Variants in PVT1 observed in about 807,000 individuals in gnomAD.
PVT1 encodes CXCR4/PVT1 fusion.
chr8:127,879,689 G>A (rs56720836), intron 2 of PVT1, among the ~76,000 whole-genome samples: 1,779 of 152,286 alleles, frequency 0.012, 39 homozygotes, highest in African/African-American at 0.039. Context: ...TAGTGAGTTC[G>A]TATCTCACAG....
At chr8:127,910,893 T>TTA (rs1554596303) in intron 3 of PVT1, among the ~76,000 whole-genome samples, 2 of 140,634 alleles carry the variant, frequency 1.4e-5, no homozygotes, top group Non-Finnish European at 3.1e-5. Context: ...GTGTGTGTGT[T>TTA]TGTGTGTGTG....
chr8:127,837,919 C>T (rs1015553864), intron 2 of PVT1, among the ~76,000 whole-genome samples: 8 of 145,994 alleles, frequency 5.5e-5, no homozygotes, highest in Admixed American at 2.7e-4. Flanking sequence ...TTTTTTGAGG[C>T]GGAGTTTCAC....
rs572023475 is a variant in PVT1, at chr8:127,875,812, G to A, written n.373-14777G>A. 4.6e-5 allele frequency among the ~76,000 whole-genome samples: 7 copies of A among 152,344 alleles called. No individual in the cohort carries two copies. The South Asian group carries it at 6.2e-4, about 14-fold the overall frequency. On this transcript the variant is annotated intron_variant and non_coding_transcript_variant, in intron 2 of 10. Coordinates refer to ENST00000651587, the Ensembl canonical transcript of PVT1. ...GACCCTGAGTGTTTGGACCCCGCCT[G>A]TGCTCAGCACAGAATGGAGCTCAGT...
intron 2 of PVT1, among the ~76,000 whole-genome samples, chr8:127,881,323 C>G (rs1815464000): frequency 6.6e-6 from 1 of 151,802 alleles, no homozygotes; most frequent in Non-Finnish European, 1.5e-5. Flanking sequence ...TACATTCAGT[C>G]TTGTCCGCAG....
intron 2 of PVT1, among the ~76,000 whole-genome samples, chr8:127,842,926 A>G (rs900247237): frequency 6.6e-6 from 1 of 152,172 alleles, no homozygotes; most frequent in African/African-American, 2.4e-5. Context: ...AGCAAGTAGC[A>G]TAGGGCTAGA....
At chr8:127,979,301 C>T (rs1816858111) in intron 3 of PVT1, among the ~76,000 whole-genome samples, 1 of 152,226 alleles carries the variant, frequency 6.6e-6, no homozygotes, top group Admixed American at 6.5e-5. Context: ...GCACACTGCT[C>T]ACTACCCTTG....
At chr8:127,993,219 C>T (rs1817063690) in intron 4 of PVT1, among the ~76,000 whole-genome samples, 1 of 152,184 alleles carries the variant, frequency 6.6e-6, no homozygotes, top group Non-Finnish European at 1.5e-5. Flanking sequence ...GGAAAATGTG[C>T]CCAACTTTTT....
intron 2 of PVT1, among the ~76,000 whole-genome samples, chr8:127,826,725 G>T (rs1460115311): frequency 1.3e-5 from 2 of 152,206 alleles, no homozygotes; most frequent in Admixed American, 1.3e-4. Flanking sequence ...CTGGGGCCAG[G>T]AGAGAAACTT....
intron 2 of PVT1, among the ~76,000 whole-genome samples, chr8:127,859,977 C>G (rs1253741023): frequency 6.6e-6 from 1 of 152,052 alleles, no homozygotes; most frequent in Non-Finnish European, 1.5e-5. Flanking sequence ...TGGTGAGCCC[C>G]AGGAATAATG....
At chr8:128,084,168 T>G (rs1057207751) in intron 5 of PVT1, among the ~76,000 whole-genome samples, 1 of 152,120 alleles carries the variant, frequency 6.6e-6, no homozygotes, top group East Asian at 1.9e-4. Context: ...CCACTCAAAA[T>G]CTTCCCATGG....
rs112223399 is a variant in PVT1, at chr8:128,007,978, G to T, written n.912+18687G>T. Among the ~76,000 whole-genome samples, 1,018 of 152,278 alleles carry T rather than the reference G, an allele frequency of 6.7e-3. 10 individuals carry two copies. Among genetic ancestry groups the T allele is most frequent in the African/African-American group, 0.023 (968 of 41,536 alleles). On this transcript the variant is annotated intron_variant and non_coding_transcript_variant, in intron 4 of 10. Transcript: ENST00000651587. ...ATGCTAGTTGACTCATCTTACCTTT[G>T]TCTGAGGAGGCTGGAAATTGTTTGT...
At chr8:127,953,794 TTCTTCTTTTCTTTCCTTTCC>T (rs1473057040) in intron 3 of PVT1, among the ~76,000 whole-genome samples, 2 of 152,332 alleles carry the variant, frequency 1.3e-5, no homozygotes. Context: ...AACATTTTTT[TTCTTCTTTTCTTTCCTTTCC>T]TCTTCTTTTC....
chr8:127,882,184 G>C (rs1320225416), intron 2 of PVT1, among the ~76,000 whole-genome samples: 1 of 152,122 alleles, frequency 6.6e-6, no homozygotes, highest in Admixed American at 6.5e-5. Context: ...ATGAGGAATC[G>C]GGTGAGTGTG....
chr8:128,075,877 T>A (rs186207746), intron 5 of PVT1, among the ~76,000 whole-genome samples: 1 of 152,362 alleles, frequency 6.6e-6, no homozygotes, highest in East Asian at 1.9e-4. Context: ...TACAGATCGC[T>A]TCTCTTGTAT....
At chr8:127,798,319 A>T (rs541522914) in intron 2 of PVT1, among the ~76,000 whole-genome samples, 3 of 151,788 alleles carry the variant, frequency 2.0e-5, no homozygotes, top group Non-Finnish European at 4.4e-5. Context: ...AAAAAACAAC[A>T]AGAAAAGGGT....
intron 3 of PVT1, among the ~76,000 whole-genome samples, chr8:127,984,365 G>C (rs979929860): frequency 6.6e-6 from 1 of 152,198 alleles, no homozygotes; most frequent in Non-Finnish European, 1.5e-5. Context: ...CCATCGGGAA[G>C]TAGAGTGGTT....
At position 128,073,574 on chromosome 8, in the gene PVT1, G is replaced by A. The variant is rs74731105; in HGVS notation, n.1114+3213G>A. The stretch of plus-strand genomic sequence containing the variant: ...TGAGCTCCCAGGCAGTACTGATGCC[G>A]CTGGTCCATGCATCAACCCACTTCA... On this transcript the variant is annotated intron_variant and non_coding_transcript_variant, in intron 5 of 10. Coordinates refer to ENST00000651587, the Ensembl canonical transcript of PVT1. Among the ~76,000 whole-genome samples the A allele has an allele frequency of 1.6e-3, 237 of 152,178 alleles. 3 individuals are homozygous for A. The East Asian group carries it at 0.041, about 26-fold the overall frequency.
At chr8:127,831,826 C>T (rs970704870) in intron 2 of PVT1, among the ~76,000 whole-genome samples, 1 of 152,230 alleles carries the variant, frequency 6.6e-6, no homozygotes, top group East Asian at 1.9e-4. Flanking sequence ...AAGAGCGCCT[C>T]ATGGGAGCAA....
In PVT1 at chr8:127,889,039, T is replaced by TCTTC. The variant is rs1201472699; in HGVS notation, n.373-1492_373-1489dup. On this transcript the variant is annotated intron_variant and non_coding_transcript_variant, in intron 2 of 10. Transcript: ENST00000651587. ...ACCCCTTTTCCTTTCTCTCTTTCTTTCTTCCTTCCTTCCTTCCTTCCTTCC... is the reference window on the plus strand; with the variant it reads ...ACCCCTTTTCCTTTCTCTCTTTCTTTCTTCCTTCCTTCCTTCCTTCCTTCCTTCC... Among the ~76,000 whole-genome samples the TCTTC allele has an allele frequency of 1.3e-4, 11 of 82,568 alleles. 1 individual carries two copies. The East Asian group carries it at 2.4e-3, about 18-fold the overall frequency. 54.2% of individuals were successfully genotyped at this position (82,568 alleles called of 152,430 possible).
Sources: allele counts gnomAD v4.1 joint callset (sites outside exome capture counted in the v4.1 genomes callset), GRCh38; gene constraint gnomAD v4.1.1; transcripts MANE v1.5; gene names NCBI Gene and HGNC (gene_info 2026-07-23, HGNC 2026-07-21).